The following FGF12 variants were observed in gnomAD, a reference collection of about 807,000 sequenced individuals.
The protein encoded by FGF12 is fibroblast growth factor 12.
Under a neutral mutation model 23.6 loss-of-function variants are expected in FGF12, and 14 were observed. The ratio of observed to expected loss-of-function variants is 0.59; its 90% CI spans 0.39 to 0.93. The LOEUF (loss-of-function observed/expected upper bound fraction) is 0.93, where lower values mean the gene tolerates loss of function less well. Ranked by LOEUF, FGF12 falls within the 40% of genes least tolerant of loss-of-function variation. The pLI, the probability that FGF12 is intolerant of heterozygous loss-of-function variation, is 0.00. For synonymous variants in FGF12, 62 were observed against 77.3 expected (o/e 0.80, Z 1.04); for missense variants, 175 against 217.8 (o/e 0.80, Z 1.24).
chr3:192,358,427 T>G (rs1187730425), intron 3 of FGF12, among the ~76,000 whole-genome samples: 2 of 152,054 alleles, frequency 1.3e-5, no homozygotes, highest in African/African-American at 4.8e-5. Flanking sequence ...ATTTGGGAGT[T>G]CAGAGAATTT....
chr3:192,569,510 G>A (rs1712497497), intron 2 of FGF12, among the ~76,000 whole-genome samples: 1 of 152,226 alleles, frequency 6.6e-6, no homozygotes, highest in South Asian at 2.1e-4. Context: ...TAGCTATTGT[G>A]CTTACATTTC....
intron 4 of FGF12, among the ~76,000 whole-genome samples, chr3:192,235,369 G>A (rs1048210833): frequency 5.3e-5 from 8 of 152,080 alleles, no homozygotes; most frequent in Non-Finnish European, 8.8e-5. Flanking sequence ...ATGCAGTGGC[G>A]CAATCTTGGC....
intron 2 of FGF12, among the ~76,000 whole-genome samples, chr3:192,631,858 C>T (rs1715401810): frequency 6.6e-6 from 1 of 152,160 alleles, no homozygotes; most frequent in South Asian, 2.1e-4. Context: ...GTGGGTGCTG[C>T]CTGGGGTCTT....
intron 2 of FGF12, among the ~76,000 whole-genome samples, chr3:192,487,097 T>C (rs1363815566): frequency 6.6e-6 from 1 of 152,088 alleles, no homozygotes; most frequent in East Asian, 1.9e-4. Flanking sequence ...AGCTGGTTAA[T>C]TTCCCCATTT....
intron 2 of FGF12, among the ~76,000 whole-genome samples, chr3:192,434,545 A>ATG (rs1456895255): frequency 1.3e-5 from 2 of 151,922 alleles, no homozygotes; most frequent in African/African-American, 2.4e-5. Flanking sequence ...GTATACATGT[A>ATG]TGTGTGTGTG....
At chr3:192,463,302 C>A (rs947352861) in intron 2 of FGF12, among the ~76,000 whole-genome samples, 8 of 151,960 alleles carry the variant, frequency 5.3e-5, no homozygotes, top group African/African-American at 1.7e-4. Flanking sequence ...TACCTGTAGT[C>A]CCAGCTGCTT....
chr3:192,158,444 T>G (rs1714639046), intron 5 of FGF12, among the ~76,000 whole-genome samples: 1 of 118,570 alleles, frequency 8.4e-6, no homozygotes, highest in Non-Finnish European at 2.0e-5. Context: ...CTTTCTTTCT[T>G]TCTTCTTTTT....
At chr3:192,404,654 A>G (rs907459179) in intron 2 of FGF12, among the ~76,000 whole-genome samples, 2 of 152,216 alleles carry the variant, frequency 1.3e-5, no homozygotes, top group Non-Finnish European at 2.9e-5. Context: ...TTCTCATTAG[A>G]AAGTGCACAA....
intron 2 of FGF12, among the ~76,000 whole-genome samples, chr3:192,693,574 A>G (rs2108722903): frequency 6.6e-6 from 1 of 152,288 alleles, no homozygotes; most frequent in Admixed American, 6.5e-5. Flanking sequence ...AGACTAATGG[A>G]ATAGAATAGG....
chr3:192,186,363 C>T (rs747000834), intron 4 of FGF12, among the ~76,000 whole-genome samples: 1 of 152,148 alleles, frequency 6.6e-6, no homozygotes, highest in Non-Finnish European at 1.5e-5. Context: ...TACGTGGTGC[C>T]ACCATCTTGC....
At chr3:192,574,189 G>A (rs1206272318) in intron 2 of FGF12, among the ~76,000 whole-genome samples, 1 of 152,196 alleles carries the variant, frequency 6.6e-6, no homozygotes, top group Non-Finnish European at 1.5e-5. Context: ...AACTTAAAAG[G>A]AGTGCAGAAG....
intron 2 of FGF12, among the ~76,000 whole-genome samples, chr3:192,614,067 A>G (rs1444249721): frequency 6.6e-6 from 1 of 151,930 alleles, no homozygotes; most frequent in African/African-American, 2.4e-5. Flanking sequence ...ATTGTTATTC[A>G]TCTCTCCTGA....
rs79047333 is a variant in FGF12, at chr3:192,194,953, T to C, written c.229-24297A>G. ...GGGTCAGATATCGTGCAAAGGGTTG[T>C]GGTAAAAGAAGCATGCTGACTGACT... On this transcript the variant is annotated intron_variant, in intron 4 of 5. Transcript: ENST00000445105. Among the ~76,000 whole-genome samples the C allele has an allele frequency of 3.3e-3, 507 of 152,312 alleles. 8 individuals carry two copies. Among genetic ancestry groups the C allele is most frequent in the East Asian group, 0.031 (162 of 5,180 alleles).
chr3:192,292,680 C>T (rs938197845), intron 4 of FGF12, among the ~76,000 whole-genome samples: 10 of 152,206 alleles, frequency 6.6e-5, no homozygotes, highest in African/African-American at 1.9e-4. Context: ...GTCAGTCTCT[C>T]TCTCTGACTG....
chr3:192,610,088 T>C (rs928560165), intron 2 of FGF12, among the ~76,000 whole-genome samples: 1 of 152,034 alleles, frequency 6.6e-6, no homozygotes, highest in Non-Finnish European at 1.5e-5. Flanking sequence ...GGTGCCACTA[T>C]CATATATAAC....
chr3:192,239,867 C>G (rs994310839), intron 4 of FGF12, among the ~76,000 whole-genome samples: 3 of 152,162 alleles, frequency 2.0e-5, no homozygotes. Context: ...AATGGGGTAA[C>G]CCAAGTCACA....
chr3:192,247,975 A>G (rs1711739649), intron 4 of FGF12, among the ~76,000 whole-genome samples: 1 of 152,230 alleles, frequency 6.6e-6, no homozygotes, highest in African/African-American at 2.4e-5. Flanking sequence ...AAATTGAGCT[A>G]TCTGACCCTT....
rs1329104138 is a variant in FGF12, at chr3:192,389,687, TTAAG to T, written c.14-29153_14-29150del. 2.0e-5 allele frequency among the ~76,000 whole-genome samples: 3 copies of T among 152,258 alleles called. No individual in the cohort carries two copies. The East Asian group carries it at 5.8e-4, about 29-fold the overall frequency. ...TAAAAAGGCATTCTCTTATGAGTTA[TTAAG>T]TATTAGACCCACTTTTCAAAATGTA... On this transcript the variant is annotated intron_variant, in intron 2 of 5. Coordinates refer to ENST00000445105, the MANE Select transcript of FGF12 (RefSeq NM_004113.6).
At chr3:192,236,129 A>T (rs1719282129) in intron 4 of FGF12, among the ~76,000 whole-genome samples, 1 of 152,280 alleles carries the variant, frequency 6.6e-6, no homozygotes, top group Non-Finnish European at 1.5e-5. Flanking sequence ...AAAGTCATTC[A>T]GGGGCAGGTT....
Sources: allele counts gnomAD v4.1 joint callset (sites outside exome capture counted in the v4.1 genomes callset), GRCh38; gene constraint gnomAD v4.1.1; transcripts MANE v1.5; gene names NCBI Gene and HGNC (gene_info 2026-07-23, HGNC 2026-07-21).